The following TDP1 variants were observed in gnomAD, a reference collection of about 807,000 sequenced individuals.
TDP1 encodes tyrosyl-DNA phosphodiesterase 1.
In TDP1, 64 loss-of-function variants were observed where a neutral mutation model predicts 81.5. That is an observed-to-expected ratio of 0.79 (90% CI 0.64 to 0.97). The LOEUF (loss-of-function observed/expected upper bound fraction) is 0.97. Ranked by LOEUF, TDP1 falls within the 50% of genes least tolerant of loss-of-function variation. The pLI, the probability that TDP1 is intolerant of heterozygous loss-of-function variation, is 0.00. For missense variants in TDP1, 723 were observed against 743.8 expected (o/e 0.97, Z 0.33); for synonymous variants, 256 against 264.3 (o/e 0.97, Z 0.30).
At chr14:89,998,452 GTA>G (rs1200533670) in intron 14 of TDP1, among the ~76,000 whole-genome samples, 9 of 113,296 alleles carry the variant, frequency 7.9e-5, no homozygotes, top group Non-Finnish European at 1.7e-4. Flanking sequence ...ATATGTATAT[GTA>G]TATATATGTA....
chr14:90,014,470 C>T (rs931949195), intron 14 of TDP1, among the ~76,000 whole-genome samples: 1 of 152,208 alleles, frequency 6.6e-6, no homozygotes, highest in African/African-American at 2.4e-5. Flanking sequence ...GTCATGGTTT[C>T]CCCTCCACGT....
In TDP1 at chr14:89,984,532, T is replaced by C. The variant is rs1176077743; in HGVS notation, c.901T>C (p.Leu301=). The C allele has an allele frequency of 2.5e-6, 4 of 1,614,150 alleles. No homozygotes were observed. The East Asian group carries it at 6.7e-5, about 27-fold the overall frequency. ...TAATTCCAGAATATGGTTGAGCCCC[T>C]TATACCCACGAATTGCTGATGGAAC... ...QKTQGIWLSP[L]YPRIADGTHK... Residue 301 remains leucine (L), a synonymous_variant, in exon 9 of 17, where the codon TTA becomes CTA. Transcript: ENST00000335725.
At chr14:89,996,069 G>C (rs1028904426) in intron 14 of TDP1, among the ~76,000 whole-genome samples, 1 of 152,168 alleles carries the variant, frequency 6.6e-6, no homozygotes, top group Non-Finnish European at 1.5e-5. Flanking sequence ...TCCTCTTCCA[G>C]TCCTTGCAAT....
At chr14:90,025,052 C>T (rs1886492303) in intron 15 of TDP1, among the ~76,000 whole-genome samples, 1 of 152,194 alleles carries the variant, frequency 6.6e-6, no homozygotes, top group South Asian at 2.1e-4. Flanking sequence ...CCAGAGTTGC[C>T]ACTTTTGTCC....
upstream of TDP1, chr14:89,955,895 G>A (rs1891502659): frequency 6.6e-6 from 1 of 152,366 alleles, no homozygotes; most frequent in South Asian, 2.1e-4. Context: ...CTGCCGCCAG[G>A]GTTTGAACTG....
chr14:89,964,396 C>A (rs1218027687), intron 3 of TDP1, among the ~76,000 whole-genome samples: 2 of 152,188 alleles, frequency 1.3e-5, no homozygotes, highest in African/African-American at 4.8e-5. Context: ...ACCTAACATT[C>A]TCTGAATTTT....
At chr14:90,014,784 C>T (rs767708034) in intron 14 of TDP1, among the ~76,000 whole-genome samples, 7 of 152,184 alleles carry the variant, frequency 4.6e-5, no homozygotes, top group Non-Finnish European at 7.3e-5. Flanking sequence ...TCTAATCAGC[C>T]ACTCTAATTG....
Position 89,963,483 on chromosome 14 carries a change from T to C in TDP1, c.369T>C (p.Thr123=), listed in dbSNP as rs1005740303. The stretch of plus-strand genomic sequence containing the variant: ...ACATCTCTGCTCCCAATGACGGCAC[T>C]GCCCAAAGAACTGAAAATCATGGCG... ...EKDISAPNDG[T]AQRTENHGAP... The change falls in exon 3 of 17, where the codon ACT becomes ACC. Residue 123 remains threonine, a synonymous_variant. Transcript: ENST00000335725. 4.4e-6 allele frequency: 7 copies of C among 1,605,342 alleles called. No individual in the cohort carries two copies. The African/African-American group carries it at 9.4e-5, about 22-fold the overall frequency.
Position 89,985,210 on chromosome 14 carries a change from G to A in TDP1, c.1131G>A (p.Lys377=). The change falls in exon 10 of 17, where the codon AAG becomes AAA. Residue 377 remains lysine, a splice_region_variant and synonymous_variant. Coordinates refer to ENST00000335725, the MANE Select transcript of TDP1 (RefSeq NM_018319.4). ...ATTGGGGACATTTTAGACTTAAGAA[G>A]GTAACAGAACTTTTACTATTTTAAC... ...KDNWGHFRLK[K]LLKDHASSMP... is the part of the protein sequence containing the mutation. 6.3e-7 allele frequency: 1 copy of A among 1,591,676 alleles called. No individual in the cohort carries two copies. The highest frequency in any genetic ancestry group is 8.6e-7 in the Non-Finnish European group (1 of 1,163,094).
intron 2 of TDP1, among the ~76,000 whole-genome samples, chr14:89,962,399 G>T (rs1004034936): frequency 2.6e-5 from 4 of 152,140 alleles, no homozygotes; most frequent in African/African-American, 9.7e-5. Flanking sequence ...TGAAGGCTAG[G>T]TTTGTAAATT....
At chr14:90,032,091 G>C (rs1887340914) in intron 15 of TDP1, among the ~76,000 whole-genome samples, 1 of 152,186 alleles carries the variant, frequency 6.6e-6, no homozygotes, top group Non-Finnish European at 1.5e-5. Flanking sequence ...ACCCAGAAGA[G>C]GGACTCGAGA....
At position 89,956,777 on chromosome 14, in the gene TDP1, A is replaced by G; in HGVS notation, c.-31A>G. 6.6e-6 allele frequency: 1 copy of G among 152,380 alleles called. No homozygotes were observed. The highest frequency in any genetic ancestry group is 1.5e-5 in the Non-Finnish European group (1 of 68,072). 9.4% of individuals were successfully genotyped at this position (152,380 alleles called of 1,614,324 possible). A position where few individuals can be genotyped will look rare whatever the true frequency, so the allele number is the denominator to read the frequency against. On this transcript the variant is annotated 5_prime_UTR_variant, in exon 2 of 17. Coordinates refer to ENST00000335725, the MANE Select transcript of TDP1 (RefSeq NM_018319.4). ...CCGAGCGTGATGGTGGATGCCTGTA[A>G]TCCTAGCTCCTCGGGAGGCTAAGGT...
At chr14:89,993,091 G>A (rs1423092299) in intron 13 of TDP1, 2 of 938,430 alleles carry the variant, frequency 2.1e-6, no homozygotes, top group Non-Finnish European at 2.5e-6. Flanking sequence ...GCTGTTAAAA[G>A]CACAACAGAA....
chr14:90,042,102 T>A (rs1390435123), intron 16 of TDP1, among the ~76,000 whole-genome samples: 3 of 152,182 alleles, frequency 2.0e-5, no homozygotes, highest in African/African-American at 7.2e-5. Context: ...TACCCAGGCA[T>A]GTTGTTTTCT....
chr14:90,040,337 A>T (rs1888241649), intron 16 of TDP1, among the ~76,000 whole-genome samples: 1 of 152,208 alleles, frequency 6.6e-6, no homozygotes. Flanking sequence ...CTACATCAAG[A>T]TCATCTTTAG....
At position 90,033,231 on chromosome 14, in the gene TDP1, G is replaced by C. The variant is rs761436546; in HGVS notation, c.1753+17G>C. 4.3e-6 allele frequency: 6 copies of C among 1,399,228 alleles called. No homozygotes were observed. The South Asian group carries it at 6.9e-5, about 16-fold the overall frequency. 86.7% of individuals were successfully genotyped at this position (1,399,228 alleles called of 1,614,324 possible). A position where few individuals can be genotyped will look rare whatever the true frequency, so the allele number is the denominator to read the frequency against. On this transcript the variant is annotated intron_variant, in intron 16 of 16. Coordinates refer to ENST00000335725, the MANE Select transcript of TDP1 (RefSeq NM_018319.4). Reference sequence around the variant, plus strand: ...GAAGTAAAGGTGAGACACAGATAAAGGAAAACCACGGGTGGATATGCATAA... The same window carrying C: ...GAAGTAAAGGTGAGACACAGATAAACGAAAACCACGGGTGGATATGCATAA...
At chr14:89,971,366 C>G in intron 6 of TDP1, 95 bp downstream of exon 6, 2 of 888,186 alleles carry the variant, frequency 2.3e-6, no homozygotes, top group Non-Finnish European at 3.7e-6. Context: ...CAGAAATCCT[C>G]TCTCCAGCAT....
At chr14:89,975,581 GTTTTTT>G in intron 6 of TDP1, 194 bp from the exon 7 acceptor site, 2 of 267,852 alleles carry the variant, frequency 7.5e-6, no homozygotes, top group Non-Finnish European at 1.0e-5. Context: ...CAAAATTTGT[GTTTTTT>G]TTTTTTTTTT....
In TDP1 at chr14:89,963,546, G is replaced by A; in HGVS notation, c.432G>A (p.Glu144=). 6.2e-7 allele frequency: 1 copy of A among 1,610,960 alleles called. No individual in the cohort carries two copies. Among genetic ancestry groups the A allele is most frequent in the Non-Finnish European group, 8.5e-7 (1 of 1,178,230 alleles). ...ACAGGCTCAAAGAGGAGGAAGACGA[G>A]TATGAGACATCAGGGGAGGGCCAGG... ...ACHRLKEEED[E]YETSGEGQDI... is the part of the protein sequence containing the mutation. The change falls in exon 3 of 17, where the codon GAG becomes GAA. Residue 144 remains glutamate, a synonymous_variant. Transcript: ENST00000335725.
Sources: allele counts gnomAD v4.1 joint callset (sites outside exome capture counted in the v4.1 genomes callset), GRCh38; gene constraint gnomAD v4.1.1; transcripts MANE v1.5; gene names NCBI Gene and HGNC (gene_info 2026-07-23, HGNC 2026-07-21).